BBX: variants seen among roughly 807,000 people sequenced by gnomAD.
BBX encodes the protein HMG box transcription factor BBX.
Under a neutral mutation model 100.2 loss-of-function variants are expected in BBX, and 30 were observed. That is an observed-to-expected ratio of 0.30 (90% CI 0.22 to 0.41). BBX has a LOEUF of 0.41. Among genes scored for constraint, BBX ranks in the 10% least tolerant of loss-of-function variants. The probability of loss-of-function intolerance (pLI) is 1.00; values close to 1 mark genes in which losing one functional copy is unlikely to be tolerated. For synonymous variants in BBX, 376 were observed against 388.1 expected (o/e 0.97, Z 0.37); for missense variants, 1,023 against 1,129.8 (o/e 0.91, Z 1.35).
intron 7 of BBX, among the ~76,000 whole-genome samples, chr3:107,740,886 T>TATGA (rs2064040784): frequency 6.6e-6 from 1 of 150,926 alleles, no homozygotes; most frequent in African/African-American, 2.4e-5. Context: ...TTGTATATGA[T>TATGA]GTTGCTGTCC....
Position 107,806,844 on chromosome 3 carries a change from C to T in BBX, c.*1387C>T, listed in dbSNP as rs2071095552. 6.6e-6 allele frequency: 1 copy of T among 152,206 alleles called. No homozygotes were observed. Among genetic ancestry groups the T allele is most frequent in the Admixed American group, 6.5e-5 (1 of 15,284 alleles). 9.4% of individuals were successfully genotyped at this position (152,206 alleles called of 1,614,324 possible). On this transcript the variant is annotated 3_prime_UTR_variant, in exon 18 of 18. Coordinates refer to ENST00000325805, the MANE Select transcript of BBX (RefSeq NM_001142568.3). ...TTCTATAGCACAAAGTATTTCCCCACTCTTGCGTCACAGCACAAACTACCA... is the reference window on the plus strand; with the variant it reads ...TTCTATAGCACAAAGTATTTCCCCATTCTTGCGTCACAGCACAAACTACCA...
At position 107,741,461 on chromosome 3, in the gene BBX, G is replaced by A. The variant is rs191739774; in HGVS notation, c.670-3169G>A. ...TATGTACTTAACAAAAATCCCGTTA[G>A]CTATTTTTGTTTTTGGGCATATAGC... On this transcript the variant is annotated intron_variant, in intron 7 of 17. Coordinates refer to ENST00000325805, the MANE Select transcript of BBX (RefSeq NM_001142568.3). Among the ~76,000 whole-genome samples the A allele has an allele frequency of 2.0e-4, 30 of 152,200 alleles. No homozygotes were observed. The East Asian group carries it at 2.7e-3, about 14-fold the overall frequency.
chr3:107,621,709 T>A (rs2055782574), intron 2 of BBX, among the ~76,000 whole-genome samples: 1 of 152,200 alleles, frequency 6.6e-6, no homozygotes, highest in South Asian at 2.1e-4. Context: ...GGTCTTGGTT[T>A]TGTATATACA....
chr3:107,804,132 T>A (rs148847094), intron 17 of BBX, among the ~76,000 whole-genome samples: 29 of 152,298 alleles, frequency 1.9e-4, no homozygotes, highest in African/African-American at 7.0e-4. Flanking sequence ...TTCTAAAATG[T>A]TTTGCTTTTC....
intron 4 of BBX, among the ~76,000 whole-genome samples, chr3:107,716,088 T>G (rs959280656): frequency 6.6e-6 from 1 of 152,220 alleles, no homozygotes; most frequent in Non-Finnish European, 1.5e-5. Flanking sequence ...CTTACTTTCA[T>G]GTTAAATAGT....
chr3:107,545,325 G>C (rs906649342), intron 2 of BBX, among the ~76,000 whole-genome samples: 3 of 152,198 alleles, frequency 2.0e-5, no homozygotes, highest in African/African-American at 7.2e-5. Flanking sequence ...AGTGCAACTT[G>C]ATGGGATTTT....
chr3:107,573,187 G>A (rs2051500322), intron 2 of BBX, among the ~76,000 whole-genome samples: 1 of 152,164 alleles, frequency 6.6e-6, no homozygotes, highest in Non-Finnish European at 1.5e-5. Context: ...AGATTAAGAA[G>A]CATTCTCCGT....
At chr3:107,679,654 G>A (rs1471843664) in intron 3 of BBX, among the ~76,000 whole-genome samples, 1 of 152,118 alleles carries the variant, frequency 6.6e-6, no homozygotes, top group Non-Finnish European at 1.5e-5. Flanking sequence ...CTTGCTTTAG[G>A]ATTGTTTCTT....
At chr3:107,587,617 G>A (rs1449444293) in intron 2 of BBX, among the ~76,000 whole-genome samples, 1 of 152,160 alleles carries the variant, frequency 6.6e-6, no homozygotes. Context: ...ATGAATATGT[G>A]AGTGGGGCCT....
chr3:107,800,495 C>A (rs1246754900), intron 16 of BBX, among the ~76,000 whole-genome samples: 1 of 152,142 alleles, frequency 6.6e-6, no homozygotes, highest in Non-Finnish European at 1.5e-5. Context: ...AGAAAGTATA[C>A]TCATTTGTAG....
intron 2 of BBX, among the ~76,000 whole-genome samples, chr3:107,626,339 A>G (rs1219439556): frequency 6.6e-6 from 1 of 152,228 alleles, no homozygotes; most frequent in African/African-American, 2.4e-5. Flanking sequence ...TTTCTGTAAA[A>G]TAAAAATAGT....
rs1159102962 is a variant in BBX at position 107,773,088 on chromosome 3, A to C, written c.1367A>C (p.Lys456Thr). The change falls in exon 11 of 18, where the codon AAA becomes ACA. Residue 456 changes from lysine to threonine, a missense_variant. Around this residue, in one of 9 missense-constraint regions of BBX, gnomAD observed 348 missense variants for 353.2 expected, o/e 0.99. Coordinates refer to ENST00000325805, the MANE Select transcript of BBX (RefSeq NM_001142568.3). The surrounding 1 kb of genome is among the most constrained non-coding windows in gnomAD (Gnocchi z 4.1). ...KPEKLKKKKKKSKMDRHGNDK... is the reference protein window; with the variant it reads ...KPEKLKKKKKTSKMDRHGNDK... Reference sequence around the variant, plus strand: ...GAAAAGCTAAAAAAGAAAAAGAAGAAAAGCAAAATGGATCGACATGGAAAT... The same window carrying C: ...GAAAAGCTAAAAAAGAAAAAGAAGACAAGCAAAATGGATCGACATGGAAAT... 6.2e-7 allele frequency: 1 copy of C among 1,613,152 alleles called. No individual in the cohort carries two copies. Among genetic ancestry groups the C allele is most frequent in the Non-Finnish European group, 8.5e-7 (1 of 1,179,808 alleles).
chr3:107,793,576 C>T (rs1280329890), intron 15 of BBX, among the ~76,000 whole-genome samples: 2 of 152,108 alleles, frequency 1.3e-5, no homozygotes, highest in African/African-American at 4.8e-5. Context: ...TCTCTCTCGT[C>T]TATGACTATA....
chr3:107,799,433 G>A (rs1156866927), intron 16 of BBX, among the ~76,000 whole-genome samples: 1 of 152,106 alleles, frequency 6.6e-6, no homozygotes, highest in Non-Finnish European at 1.5e-5. Flanking sequence ...ATCATAGCTA[G>A]TTTTCCAAGA....
chr3:107,774,909 T>C (rs1188243378), intron 12 of BBX, 52 bp downstream of exon 12: 1 of 1,583,576 alleles, frequency 6.3e-7, no homozygotes, highest in South Asian at 1.2e-5. Flanking sequence ...CAAGTGTGGG[T>C]GGGATTTTCA....
chr3:107,728,573 G>A (rs965971660), intron 5 of BBX, among the ~76,000 whole-genome samples, 192 bp from the exon 6 acceptor site: 2 of 152,048 alleles, frequency 1.3e-5, no homozygotes, highest in Non-Finnish European at 2.9e-5. Context: ...TCCCACAAAT[G>A]GATTAGATAA....
chr3:107,592,046 C>G (rs1273328906), intron 2 of BBX, among the ~76,000 whole-genome samples: 1 of 152,130 alleles, frequency 6.6e-6, no homozygotes, highest in East Asian at 1.9e-4. Flanking sequence ...TTGTAGTTAG[C>G]TATGACTGTG....
At chr3:107,563,539 T>A (rs1487523969) in intron 2 of BBX, among the ~76,000 whole-genome samples, 1 of 152,180 alleles carries the variant, frequency 6.6e-6, no homozygotes. Context: ...GAAAATAAAA[T>A]TGTATAAAGT....
At chr3:107,754,047 C>T (rs73850159) in intron 9 of BBX, among the ~76,000 whole-genome samples, 2,140 of 152,184 alleles carry the variant, frequency 0.014, 51 homozygotes, top group African/African-American at 0.048. Flanking sequence ...AGCATAATTG[C>T]GGGCAGGTAT....
Sources: gnomAD v4.1 joint callset for allele counts (sites outside exome capture counted in the v4.1 genomes callset) on GRCh38, gnomAD v4.1.1 for gene constraint, gnomAD v4.1.1 regional missense constraint, Gnocchi (gnomAD v3.1) non-coding constraint, MANE v1.5 for transcripts, NCBI Gene and HGNC (gene_info 2026-07-23, HGNC 2026-07-21) for gene names.